The following ATG10 variants were observed in gnomAD, a reference collection of about 807,000 sequenced individuals.
The protein encoded by ATG10 is autophagy related 10, also known as ubiquitin-like-conjugating enzyme ATG10.
ATG10 carries 30 observed loss-of-function variants against 32.1 expected under a neutral mutation model. The observed-to-expected ratio is 0.94, with a 90% confidence interval of 0.70 to 1.27. ATG10 has a LOEUF of 1.27. Among genes scored for constraint, ATG10 ranks in the 50% most tolerant of loss-of-function variants. The pLI is 0.00. For missense variants in ATG10, 233 were observed against 262.3 expected (o/e 0.89, Z 0.77); for synonymous variants, 87 against 91.5 (o/e 0.95, Z 0.28).
At chr5:82,109,271 T>G (rs139269378) in intron 3 of ATG10, among the ~76,000 whole-genome samples, 7 of 152,158 alleles carry the variant, frequency 4.6e-5, no homozygotes, top group African/African-American at 1.7e-4. Context: ...CAGAATCAAC[T>G]GTTGTAGGGG....
At chr5:82,136,746 G>T (rs1266513769) in intron 3 of ATG10, among the ~76,000 whole-genome samples, 2 of 152,124 alleles carry the variant, frequency 1.3e-5, no homozygotes, top group Non-Finnish European at 2.9e-5. Flanking sequence ...TTCTGAATTT[G>T]AGTGTTGGCC....
At chr5:82,060,333 A>G (rs1281928922) in intron 3 of ATG10, among the ~76,000 whole-genome samples, 1 of 152,214 alleles carries the variant, frequency 6.6e-6, no homozygotes, top group Non-Finnish European at 1.5e-5. Flanking sequence ...CTGTCTATTA[A>G]TACATCTTAT....
Position 82,082,495 on chromosome 5 carries a change from T to C in ATG10, c.216+23893T>C, listed in dbSNP as rs1764518502. Among the ~76,000 whole-genome samples the C allele has an allele frequency of 2.6e-5, 4 of 152,204 alleles. No homozygotes were observed. In the South Asian group the frequency reaches 8.3e-4, roughly 32 times the overall value. The stretch of plus-strand genomic sequence containing the variant: ...ATTAACGTAATGTCTCATGGGCAGC[T>C]TCATTTTAAAGACCCTCTTGAGAGT... On this transcript the variant is annotated intron_variant, in intron 3 of 7. Coordinates refer to ENST00000282185, the MANE Select transcript of ATG10 (RefSeq NM_031482.5).
intron 4 of ATG10, among the ~76,000 whole-genome samples, chr5:82,169,128 C>A (rs749382574): frequency 6.6e-6 from 1 of 151,500 alleles, no homozygotes; most frequent in African/African-American, 2.4e-5. Flanking sequence ...GGATGACTTA[C>A]GGAAGAAATA....
At chr5:82,177,403 T>A (rs147693992) in intron 4 of ATG10, among the ~76,000 whole-genome samples, 87 of 152,280 alleles carry the variant, frequency 5.7e-4, no homozygotes, top group Middle Eastern at 3.4e-3. Flanking sequence ...ATTATTTTCC[T>A]TATGCTTTGT....
chr5:82,117,059 C>T (rs1449931848), intron 3 of ATG10, among the ~76,000 whole-genome samples: 1 of 152,072 alleles, frequency 6.6e-6, no homozygotes, highest in Non-Finnish European at 1.5e-5. Flanking sequence ...CCACCGTGCT[C>T]ATTTGCTCAT....
Position 82,178,531 on chromosome 5 carries a change from C to A in ATG10, c.397C>A (p.His133Asn). 6.2e-7 allele frequency: 1 copy of A among 1,612,342 alleles called. No homozygotes were observed. Among genetic ancestry groups the A allele is most frequent in the Admixed American group, 1.7e-5 (1 of 59,936 alleles). ...LTLKDIWEGV[H>N]ECYKMRLLQG... ...TCTGAAGGACATATGGGAAGGAGTT[C>A]ATGAGTGCTATAAGATGCGACTGCT... is the stretch of plus-strand genomic sequence containing the variant. Residue 133 changes from histidine to asparagine, a missense_variant, in exon 5 of 8, where the codon CAT becomes AAT. Transcript: ENST00000282185.
chr5:81,974,768 A>C (rs76736373), intron 1 of ATG10, among the ~76,000 whole-genome samples: 1 of 152,096 alleles, frequency 6.6e-6, no homozygotes, highest in African/African-American at 2.4e-5. Flanking sequence ...GGCGAGAGCT[A>C]TGTCTCCAAG....
At chr5:82,028,490 T>C (rs903292218) in intron 2 of ATG10, among the ~76,000 whole-genome samples, 4 of 152,192 alleles carry the variant, frequency 2.6e-5, no homozygotes, top group African/African-American at 4.8e-5. Flanking sequence ...TGTGAAGACA[T>C]TGAATAGGAT....
rs185947891 is a variant in ATG10, at chr5:82,125,864, G to T, written c.217-38535G>T. Among the ~76,000 whole-genome samples, 41 of 152,290 alleles carry T rather than the reference G, an allele frequency of 2.7e-4. No individual in the cohort carries two copies. The East Asian group carries it at 6.4e-3, about 24-fold the overall frequency. ...GCGTTGAATCTATAAATTAGTTTGGGCAGTATGGCCATTTTCACGATACTG... is the reference window on the plus strand; with the variant it reads ...GCGTTGAATCTATAAATTAGTTTGGTCAGTATGGCCATTTTCACGATACTG... On this transcript the variant is annotated intron_variant, in intron 3 of 7. Coordinates refer to ENST00000282185, the MANE Select transcript of ATG10 (RefSeq NM_031482.5).
chr5:82,111,548 T>C (rs1176715033), intron 3 of ATG10: 2 of 151,972 alleles, frequency 1.3e-5, no homozygotes, highest in Non-Finnish European at 2.9e-5. Context: ...TTTCTTTCCT[T>C]AAAAAAATTT....
At chr5:82,075,460 T>C (rs1764246816) in intron 3 of ATG10, among the ~76,000 whole-genome samples, 1 of 152,236 alleles carries the variant, frequency 6.6e-6, no homozygotes, top group Non-Finnish European at 1.5e-5. Flanking sequence ...TTTAGTTGTT[T>C]GTGTTTTGCA....
chr5:82,049,830 T>G (rs1008605757), intron 2 of ATG10, among the ~76,000 whole-genome samples: 8 of 151,994 alleles, frequency 5.3e-5, no homozygotes, highest in Non-Finnish European at 1.0e-4. Context: ...TATCACAGAG[T>G]GAAAGGAAAG....
intron 5 of ATG10, among the ~76,000 whole-genome samples, chr5:82,220,983 C>G (rs1745903569): frequency 6.6e-6 from 1 of 151,926 alleles, no homozygotes; most frequent in East Asian, 2.0e-4. Flanking sequence ...GTCTTGAAAC[C>G]CCTGACCTCG....
At chr5:82,083,967 G>A (rs1247790076) in intron 3 of ATG10, among the ~76,000 whole-genome samples, 3 of 152,252 alleles carry the variant, frequency 2.0e-5, no homozygotes, top group Non-Finnish European at 4.4e-5. Context: ...AACAAAGCTG[G>A]ATGGAGAATG....
chr5:81,978,995 G>A (rs1247095236), intron 1 of ATG10, among the ~76,000 whole-genome samples: 4 of 152,092 alleles, frequency 2.6e-5, no homozygotes, highest in African/African-American at 9.7e-5. Flanking sequence ...CGCCTCCTGG[G>A]TTTAAGTGAT....
At chr5:82,222,159 G>A (rs1277091121) in intron 5 of ATG10, among the ~76,000 whole-genome samples, 3 of 152,172 alleles carry the variant, frequency 2.0e-5, no homozygotes, top group Admixed American at 2.0e-4. Flanking sequence ...CTCTGCCATG[G>A]CAAGACAAAG....
At chr5:82,017,082 A>G (rs1315175296) in intron 2 of ATG10, among the ~76,000 whole-genome samples, 3 of 151,394 alleles carry the variant, frequency 2.0e-5, no homozygotes, top group South Asian at 4.2e-4. Flanking sequence ...GATTTATCTC[A>G]GCAGTGTTTT....
chr5:82,228,318 T>TTTTATAATATA (rs1746218520), intron 5 of ATG10, among the ~76,000 whole-genome samples: 1 of 152,196 alleles, frequency 6.6e-6, no homozygotes, highest in Admixed American at 6.5e-5. Flanking sequence ...GCTTATCAAA[T>TTTTATAATATA]TTTATAATAT....
Sources: gnomAD v4.1 joint callset for allele counts (sites outside exome capture counted in the v4.1 genomes callset) on GRCh38, gnomAD v4.1.1 for gene constraint, MANE v1.5 for transcripts, NCBI Gene and HGNC (gene_info 2026-07-23, HGNC 2026-07-21) for gene names.